ANKS1B: variants seen among roughly 807,000 people sequenced by gnomAD.
ANKS1B encodes the protein ankyrin repeat and sterile alpha motif domain containing 1B, also known as ankyrin repeat and sterile alpha motif domain-containing protein 1B.
ANKS1B carries 36 observed loss-of-function variants against 148.3 expected under a neutral mutation model. That is an observed-to-expected ratio of 0.24 (90% CI 0.19 to 0.32). The LOEUF (loss-of-function observed/expected upper bound fraction) is 0.32, where lower values mean the gene tolerates loss of function less well. Ranked by LOEUF, ANKS1B falls within the 10% of genes least tolerant of loss-of-function variation. The probability of loss-of-function intolerance (pLI) is 1.00; values close to 1 mark genes in which losing one functional copy is unlikely to be tolerated. For synonymous variants in ANKS1B, 542 were observed against 560.8 expected (o/e 0.97, Z 0.47); for missense variants, 1,157 against 1,542.6 (o/e 0.75, Z 4.19).
intron 17 of ANKS1B, among the ~76,000 whole-genome samples, chr12:98,857,382 T>A (rs2099577284): frequency 6.6e-6 from 1 of 152,140 alleles, no homozygotes; most frequent in Non-Finnish European, 1.5e-5. Context: ...CAGCCAGGAA[T>A]TGTGGTTACA....
chr12:98,802,813 G>A (rs1259575942), intron 20 of ANKS1B, among the ~76,000 whole-genome samples: 3 of 151,492 alleles, frequency 2.0e-5, no homozygotes, highest in South Asian at 4.2e-4. Flanking sequence ...TTTTGTTTTC[G>A]TTGCTGATTT....
intron 8 of ANKS1B, among the ~76,000 whole-genome samples, chr12:99,734,812 A>T (rs1172894781): frequency 2.0e-5 from 3 of 152,174 alleles, no homozygotes; most frequent in Non-Finnish European, 4.4e-5. Flanking sequence ...AAGGACACTG[A>T]CAGTTTCCAA....
chr12:99,176,432 T>C (rs1044480646), intron 14 of ANKS1B, among the ~76,000 whole-genome samples: 7 of 152,186 alleles, frequency 4.6e-5, no homozygotes, highest in African/African-American at 1.7e-4. Context: ...ATGAATGTCA[T>C]CTTCATCATT....
chr12:99,758,062 C>A (rs1393751765), intron 8 of ANKS1B, among the ~76,000 whole-genome samples: 2 of 151,846 alleles, frequency 1.3e-5, no homozygotes, highest in African/African-American at 4.8e-5. Context: ...TGTAACAAAC[C>A]TGCACATGTA....
intron 20 of ANKS1B, among the ~76,000 whole-genome samples, chr12:98,806,343 T>C (rs977244087): frequency 6.6e-6 from 1 of 152,222 alleles, no homozygotes; most frequent in Admixed American, 6.5e-5. Context: ...TTTTTAAAAA[T>C]AGAACCTTTA....
At chr12:99,930,921 T>G (rs2094597023) in intron 1 of ANKS1B, among the ~76,000 whole-genome samples, 1 of 152,084 alleles carries the variant, frequency 6.6e-6, no homozygotes, top group African/African-American at 2.4e-5. Flanking sequence ...CTATTCACAA[T>G]AGCAAAGACT....
chr12:99,496,374 C>A (rs968537971), intron 10 of ANKS1B, among the ~76,000 whole-genome samples: 1 of 152,166 alleles, frequency 6.6e-6, no homozygotes, highest in Non-Finnish European at 1.5e-5. Flanking sequence ...TCCATTCATT[C>A]GTTCATTCAA....
At chr12:99,677,948 G>A (rs1407716262) in intron 8 of ANKS1B, among the ~76,000 whole-genome samples, 1 of 152,170 alleles carries the variant, frequency 6.6e-6, no homozygotes, top group Admixed American at 6.5e-5. Flanking sequence ...ATTCCAGCAT[G>A]GACAACAGAG....
At chr12:99,797,866 A>C (rs1226188001) in intron 4 of ANKS1B, among the ~76,000 whole-genome samples, 1 of 152,012 alleles carries the variant, frequency 6.6e-6, no homozygotes, top group African/African-American at 2.4e-5. Flanking sequence ...CAAAAGGGAG[A>C]GAAGATGACG....
intron 16 of ANKS1B, among the ~76,000 whole-genome samples, chr12:99,082,890 G>A (rs1227936346): frequency 6.6e-6 from 1 of 152,120 alleles, no homozygotes; most frequent in Non-Finnish European, 1.5e-5. Context: ...TATGAACCAG[G>A]CACTGTGCTA....
At chr12:99,815,810 A>G (rs1248751292) in intron 2 of ANKS1B, among the ~76,000 whole-genome samples, 2 of 151,848 alleles carry the variant, frequency 1.3e-5, no homozygotes, top group Admixed American at 6.6e-5. Flanking sequence ...AAGTTGCCAC[A>G]AAAGACATTA....
chr12:99,155,997 T>G (rs2076003168), intron 14 of ANKS1B, among the ~76,000 whole-genome samples: 1 of 152,074 alleles, frequency 6.6e-6, no homozygotes, highest in South Asian at 2.1e-4. Context: ...AACTCTCTCA[T>G]CCCCCCAGAG....
chr12:99,490,078 T>C (rs2096541094), intron 10 of ANKS1B, among the ~76,000 whole-genome samples: 2 of 152,236 alleles, frequency 1.3e-5, no homozygotes, highest in African/African-American at 4.8e-5. Context: ...CCAAGTACTG[T>C]AGATAAAGCC....
At chr12:99,953,618 T>C (rs946527386) in intron 1 of ANKS1B, among the ~76,000 whole-genome samples, 3 of 148,384 alleles carry the variant, frequency 2.0e-5, no homozygotes, top group South Asian at 2.1e-4. Flanking sequence ...TTAGCAAGAG[T>C]ACAAAAGGAA....
chr12:99,630,233 G>A (rs934073395), intron 9 of ANKS1B, among the ~76,000 whole-genome samples: 2 of 152,066 alleles, frequency 1.3e-5, no homozygotes, highest in Non-Finnish European at 2.9e-5. Context: ...AGCTACAATA[G>A]AAATTTCTGA....
chr12:99,801,046 T>C (rs746907649), intron 4 of ANKS1B, among the ~76,000 whole-genome samples: 25 of 152,170 alleles, frequency 1.6e-4, no homozygotes, highest in Non-Finnish European at 3.1e-4. Context: ...ATATGCTCTT[T>C]GCCGTATGAC....
chr12:99,309,432 A>G (rs868663781), intron 12 of ANKS1B, among the ~76,000 whole-genome samples: 6 of 151,914 alleles, frequency 3.9e-5, no homozygotes, highest in Middle Eastern at 6.8e-3. Flanking sequence ...ATTTTCATTA[A>G]TTTTTATTGC....
chr12:99,334,697 T>C (rs1406126164), intron 12 of ANKS1B, among the ~76,000 whole-genome samples: 1 of 152,078 alleles, frequency 6.6e-6, no homozygotes, highest in Non-Finnish European at 1.5e-5. Flanking sequence ...TTAATTTATG[T>C]AGTACATTTT....
At chr12:99,348,339 G>A (rs2090998422) in intron 12 of ANKS1B, among the ~76,000 whole-genome samples, 1 of 151,532 alleles carries the variant, frequency 6.6e-6, no homozygotes, top group East Asian at 1.9e-4. Flanking sequence ...CTTCTTGATA[G>A]TTACCCCCTA....
Sources: allele counts gnomAD v4.1 joint callset (sites outside exome capture counted in the v4.1 genomes callset), GRCh38; gene constraint gnomAD v4.1.1; transcripts MANE v1.5; gene names NCBI Gene and HGNC (gene_info 2026-07-23, HGNC 2026-07-21).